The following MEX3C variants were observed in gnomAD, a reference collection of about 807,000 sequenced individuals.
The protein encoded by MEX3C is RNA-binding E3 ubiquitin-protein ligase MEX3C.
MEX3C carries 15 observed loss-of-function variants against 35.5 expected under a neutral mutation model. The ratio of observed to expected loss-of-function variants is 0.42; its 90% CI spans 0.28 to 0.65. The LOEUF is 0.65. MEX3C is among the 30% of genes least tolerant of loss of function. The probability of loss-of-function intolerance (pLI) is 0.20; values close to 1 mark genes in which losing one functional copy is unlikely to be tolerated. For synonymous variants in MEX3C, 390 were observed against 352.8 expected, an observed-to-expected ratio of 1.11 and a Z score of -1.18; for missense variants, 711 against 842.8, an observed-to-expected ratio of 0.84 and a Z score of 1.94.
In MEX3C at chr18:51,176,172, C is replaced by A; in HGVS notation, c.*179G>T. ...CAAACCAAACTAATAGACAAGAGAC[C>A]ACTTAGGTTTAGTGTTACCATAGCA... is the stretch of plus-strand genomic sequence containing the variant. On this transcript the variant is annotated 3_prime_UTR_variant, in exon 2 of 2. Coordinates refer to ENST00000406189, the MANE Select transcript of MEX3C (RefSeq NM_016626.5). 1 of 576,768 alleles carries A rather than the reference C, an allele frequency of 1.7e-6. No individual in the cohort carries two copies. Among genetic ancestry groups the A allele is most frequent in the Non-Finnish European group, 2.9e-6 (1 of 342,724 alleles). The allele number at this position is 576,768 out of a possible 1,614,324, so 35.7% of individuals were successfully genotyped here.
intron 1 of MEX3C, chr18:51,196,214 C>A (rs762990714): frequency 7.9e-5 from 28 of 355,538 alleles, no homozygotes; most frequent in Non-Finnish European, 1.3e-4. Context: ...GCTTTCCGTA[C>A]CCAACAGCGA....
chr18:51,191,146 A>G (rs939296297), intron 1 of MEX3C, among the ~76,000 whole-genome samples: 1 of 152,204 alleles, frequency 6.6e-6, no homozygotes, highest in African/African-American at 2.4e-5. Flanking sequence ...AGAATTCTAT[A>G]ACAATCCTAT....
chr18:51,182,016 T>C (rs1912442337), intron 1 of MEX3C, among the ~76,000 whole-genome samples: 1 of 152,176 alleles, frequency 6.6e-6, no homozygotes, highest in East Asian at 1.9e-4. Context: ...TCATTTCAGC[T>C]CCTTTCAGTC....
In MEX3C at chr18:51,175,738, T is replaced by C. The variant is rs1449630345; in HGVS notation, c.*613A>G. 1.3e-5 allele frequency: 2 copies of C among 152,618 alleles called. No individual in the cohort carries two copies. The highest frequency in any genetic ancestry group is 4.8e-5 in the African/African-American group (2 of 41,440). The allele number at this position is 152,618 out of a possible 1,614,324, so 9.5% of individuals were successfully genotyped here. A position where few individuals can be genotyped will look rare whatever the true frequency, so the allele number is the denominator to read the frequency against. ...CCAGCCTTGAGCACTCTGGGCGAGATGAAAGTTGATGTAGCAGTTTTTGTC... is the reference window on the plus strand; with the variant it reads ...CCAGCCTTGAGCACTCTGGGCGAGACGAAAGTTGATGTAGCAGTTTTTGTC... On this transcript the variant is annotated 3_prime_UTR_variant, in exon 2 of 2. Coordinates refer to ENST00000406189, the MANE Select transcript of MEX3C (RefSeq NM_016626.5).
intron 1 of MEX3C, among the ~76,000 whole-genome samples, chr18:51,185,733 C>T (rs185710826): frequency 2.6e-5 from 4 of 152,044 alleles, no homozygotes; most frequent in Admixed American, 1.3e-4. Context: ...TGAGGAATCA[C>T]GGGCATTGGA....
Position 51,176,303 on chromosome 18 carries a change from CCTTTA to C in MEX3C, c.*43_*47del, listed in dbSNP as rs1912300422. On this transcript the variant is annotated 3_prime_UTR_variant, in exon 2 of 2. Transcript: ENST00000406189. ...ACTGGGGGGTACCATTATACCCATG[CCTTTA>C]CGAGTCCATATAGAGATATAGTATT... The C allele has an allele frequency of 1.3e-6, 2 of 1,484,924 alleles. No homozygotes were observed. The highest frequency in any genetic ancestry group is 1.8e-6 in the Non-Finnish European group (2 of 1,104,936). 92.0% of individuals were successfully genotyped at this position (1,484,924 alleles called of 1,614,324 possible).
Position 51,177,151 on chromosome 18 carries a change from G to A in MEX3C, c.1180C>T (p.Arg394Cys), listed in dbSNP as rs1335790219. 4.3e-6 allele frequency: 7 copies of A among 1,613,732 alleles called. No individual in the cohort carries two copies. The highest frequency in any genetic ancestry group is 3.3e-5 in the Admixed American group (2 of 60,018). ...REEIEMHIAM[R>C]TGNYIELNEE... is the part of the protein sequence containing the mutation. ...TTGAGCTCTATATAGTTTCCTGTAC[G>A]CATGGCAATATGCATTTCTATTTCT... Residue 394 changes from arginine (R) to cysteine (C), a missense_variant, in exon 2 of 2, where the codon CGT becomes TGT. Transcript: ENST00000406189. This position sits in a 1 kb window ranked among gnomAD's most constrained non-coding sequence, Gnocchi z 4.2.
chr18:51,187,719 AAAAC>A (rs1912570522), intron 1 of MEX3C, among the ~76,000 whole-genome samples: 3 of 152,186 alleles, frequency 2.0e-5, no homozygotes, highest in South Asian at 4.1e-4. Flanking sequence ...AAAAAAAACA[AAAAC>A]AAAAACAAAC....
chr18:51,196,948 G>C lies in MEX3C; in HGVS notation c.373C>G (p.Leu125Val), dbSNP rs535155623. ...GCTTCCTCCAGCTCCTCCTCCTCCA[G>C]CAGGTCTCCGTCCAGCTCCGCTTCC... is the stretch of plus-strand genomic sequence containing the variant. Reference protein sequence around the residue: ...GEEAELDGDLLEEEELEEAEE... With the variant: ...GEEAELDGDLVEEEELEEAEE... The change falls in exon 1 of 2, where the codon CTG becomes GTG. Residue 125 changes from leucine (L) to valine (V), a missense_variant. Around this residue, in one of 4 missense-constraint regions of MEX3C, gnomAD observed 354 missense variants for 311.6 expected, o/e 1.14. Coordinates refer to ENST00000406189, the MANE Select transcript of MEX3C (RefSeq NM_016626.5). 9 of 1,543,740 alleles carry C rather than the reference G, an allele frequency of 5.8e-6. No homozygotes were observed. The highest frequency in any genetic ancestry group is 7.9e-6 in the Non-Finnish European group (9 of 1,145,750).
chr18:51,191,530 A>T (rs77581068), intron 1 of MEX3C, among the ~76,000 whole-genome samples: 179 of 152,336 alleles, frequency 1.2e-3, no homozygotes, highest in Non-Finnish European at 1.6e-3. Context: ...CAGAAGTGCC[A>T]AGTATCTAAA....
rs1912795619 is a variant in MEX3C at position 51,196,623 on chromosome 18, G to A, written c.698C>T (p.Thr233Ile). The change falls in exon 1 of 2, where the codon ACC (threonine) becomes ATC (isoleucine). Residue 233 changes from threonine (T) to isoleucine (I), a missense_variant. Coordinates refer to ENST00000406189, the MANE Select transcript of MEX3C (RefSeq NM_016626.5). Reference sequence around the variant, plus strand: ...GGAGCTGGGCACCGGGACGCACTCGGTGGTGTTGACGCTCTTTCTCCGGAG... The same window carrying A: ...GGAGCTGGGCACCGGGACGCACTCGATGGTGTTGACGCTCTTTCTCCGGAG... ...ALLRRKSVNT[T>I]ECVPVPSSEH... 6.3e-7 allele frequency: 1 copy of A among 1,590,666 alleles called. No homozygotes were observed. Among genetic ancestry groups the A allele is most frequent in the Non-Finnish European group, 8.5e-7 (1 of 1,173,910 alleles).
rs1912731591 is a variant in MEX3C, at chr18:51,194,547, CAAGT to C, written c.754+2016_754+2019del. On this transcript the variant is annotated intron_variant, in intron 1 of 1. Coordinates refer to ENST00000406189, the MANE Select transcript of MEX3C (RefSeq NM_016626.5). Reference sequence around the variant, plus strand: ...TTTCTATAAAGATTAACAACATACACAAGTAAGGGCCATTTAGCAGTGCTTTAAG... The same window carrying C: ...TTTCTATAAAGATTAACAACATACACAAGGGCCATTTAGCAGTGCTTTAAG... 2.6e-5 allele frequency: 4 copies of C among 152,288 alleles called. No individual in the cohort carries two copies. In the South Asian group the frequency reaches 8.3e-4, roughly 32 times the overall value. 9.4% of individuals were successfully genotyped at this position (152,288 alleles called of 1,614,324 possible).
At chr18:51,193,471 C>G (rs1912701370) in intron 1 of MEX3C, 1 of 152,104 alleles carries the variant, frequency 6.6e-6, no homozygotes, top group Non-Finnish European at 1.5e-5. Context: ...TGGAACAAAA[C>G]CTGCTGACTA....
chr18:51,195,656 C>T (rs1376362443), intron 1 of MEX3C: 1 of 152,110 alleles, frequency 6.6e-6, no homozygotes, highest in Non-Finnish European at 1.5e-5. Context: ...AGGGGAAATG[C>T]TACCATAAAG....
In MEX3C at chr18:51,196,750, C is replaced by A. The variant is rs541544526; in HGVS notation, c.571G>T (p.Asp191Tyr). Reference sequence around the variant, plus strand: ...GCCGCCATCATGCCCTGGGCATCGTCCCCTCCGTACAGCACCCCCGCCGCC... The same window carrying A: ...GCCGCCATCATGCCCTGGGCATCGTACCCTCCGTACAGCACCCCCGCCGCC... ...AAAAGVLYGG[D>Y]DAQGMMAAML... Residue 191 changes from aspartate to tyrosine, a missense_variant, in exon 1 of 2, where the codon GAC (aspartate) becomes TAC (tyrosine). This residue lies in a region of MEX3C where 354 missense variants were observed against 311.6 expected (regional missense o/e 1.14). Transcript: ENST00000406189. 1 of 1,515,484 alleles carries A rather than the reference C, an allele frequency of 6.6e-7. No homozygotes were observed. The highest frequency in any genetic ancestry group is 1.2e-5 in the South Asian group (1 of 82,338). 93.9% of individuals were successfully genotyped at this position (1,515,484 alleles called of 1,614,324 possible).
At chr18:51,189,455 A>G (rs962663162) in intron 1 of MEX3C, among the ~76,000 whole-genome samples, 3 of 152,206 alleles carry the variant, frequency 2.0e-5, no homozygotes, top group Non-Finnish European at 4.4e-5. Context: ...CTAAATCCCA[A>G]TAAGAATATT....
intron 1 of MEX3C, among the ~76,000 whole-genome samples, chr18:51,191,556 C>A (rs11082861): frequency 6.6e-6 from 1 of 152,046 alleles, no homozygotes; most frequent in Non-Finnish European, 1.5e-5. Flanking sequence ...TTCAGATATC[C>A]GTTGGTTCTA....
rs1226149776 is a variant in MEX3C, at chr18:51,175,425, C to T, written c.*926G>A. 5 of 152,536 alleles carry T rather than the reference C, an allele frequency of 3.3e-5. No individual in the cohort carries two copies. The highest frequency in any genetic ancestry group is 6.5e-5 in the Admixed American group (1 of 15,278). 9.4% of individuals were successfully genotyped at this position (152,536 alleles called of 1,614,324 possible). Reference sequence around the variant, plus strand: ...AATTATGCCAAGGGCATCATTATCCCTTTCTCCCTCCTCCCTCCCCTAAAT... The same window carrying T: ...AATTATGCCAAGGGCATCATTATCCTTTTCTCCCTCCTCCCTCCCCTAAAT... On this transcript the variant is annotated 3_prime_UTR_variant, in exon 2 of 2. Transcript: ENST00000406189.
intron 1 of MEX3C, among the ~76,000 whole-genome samples, chr18:51,185,959 G>A (rs866307798): frequency 6.6e-6 from 1 of 152,100 alleles, no homozygotes; most frequent in Admixed American, 6.5e-5. Flanking sequence ...GAAGCCAAGT[G>A]TTTACAATGA....
Sources: allele counts gnomAD v4.1 joint callset (sites outside exome capture counted in the v4.1 genomes callset), GRCh38; gene constraint gnomAD v4.1.1; regional missense constraint gnomAD v4.1.1; non-coding constraint Gnocchi (gnomAD v3.1); transcripts MANE v1.5; gene names NCBI Gene and HGNC (gene_info 2026-07-23, HGNC 2026-07-21).